The following PCLO variants were observed in gnomAD, a reference collection of about 807,000 sequenced individuals.
PCLO encodes the protein protein piccolo.
Under a neutral mutation model 427.5 loss-of-function variants are expected in PCLO, and 82 were observed. The ratio of observed to expected loss-of-function variants is 0.19; its 90% CI spans 0.16 to 0.23. The LOEUF is 0.23. PCLO is among the 10% of genes least tolerant of loss of function. PCLO has a pLI of 1.00. For missense variants in PCLO, 6,239 were observed against 6,115.9 expected (o/e 1.02, Z -0.67); for synonymous variants, 2,357 against 2,155.4 (o/e 1.09, Z -2.59).
rs1313548158 is a variant in PCLO at position 82,824,414 on chromosome 7, T to C, written c.14418A>G (p.Val4806=). The change falls in exon 19 of 25, where the codon GTA becomes GTG. Residue 4806 remains valine (V), a splice_region_variant and synonymous_variant. Coordinates refer to ENST00000333891, the MANE Select transcript of PCLO (RefSeq NM_033026.6). ...GAGATGTGCTAGATAAATCAATCAA[T>C]ACCTGAAAAAAAGTGTAACAAATAA... ...RFSSNDFLGE[V]LIDLSSTSHL... 3.8e-6 allele frequency: 6 copies of C among 1,569,602 alleles called. No homozygotes were observed. The highest frequency in any genetic ancestry group is 1.2e-5 in the South Asian group (1 of 85,334).
intron 6 of PCLO, among the ~76,000 whole-genome samples, chr7:82,924,050 C>A (rs945162397): frequency 6.6e-6 from 1 of 151,978 alleles, no homozygotes; most frequent in Admixed American, 6.6e-5. Flanking sequence ...TAAATAATGT[C>A]CTCAGGCAGA....
intron 3 of PCLO, among the ~76,000 whole-genome samples, chr7:83,025,707 A>G (rs932496418): frequency 6.6e-6 from 1 of 152,050 alleles, no homozygotes; most frequent in African/African-American, 2.4e-5. Flanking sequence ...CCAGAGAGAA[A>G]GGTTGGGTTA....
intron 6 of PCLO, among the ~76,000 whole-genome samples, chr7:82,938,462 T>A (rs1795006769): frequency 6.6e-6 from 1 of 151,924 alleles, no homozygotes; most frequent in Non-Finnish European, 1.5e-5. Flanking sequence ...TTCCTTTTAG[T>A]CTCTCAATGT....
At chr7:83,020,118 C>T (rs1027370428) in intron 3 of PCLO, among the ~76,000 whole-genome samples, 4 of 151,990 alleles carry the variant, frequency 2.6e-5, no homozygotes, top group Admixed American at 6.6e-5. Flanking sequence ...GCCCTTTACA[C>T]AAAAATTATT....
chr7:82,826,530 GTGCTT>G, intron 18 of PCLO, 54 bp downstream of exon 18: 1 of 1,091,638 alleles, frequency 9.2e-7, no homozygotes, highest in Non-Finnish European at 1.4e-6. Flanking sequence ...GCTTTGCATC[GTGCTT>G]TAATTGGTGG....
At position 83,087,221 on chromosome 7, in the gene PCLO, TAA is replaced by T. The variant is rs34272716; in HGVS notation, c.3300+47027_3300+47028del. 9.2e-3 allele frequency among the ~76,000 whole-genome samples: 1,347 copies of T among 146,046 alleles called. 19 individuals are homozygous for T. The highest frequency in any genetic ancestry group is 0.031 in the African/African-American group (1,253 of 40,114). ...ATGTACCCTAGAACTTAAAGCATAA[TAA>T]AAAAAAAAAAAGTGGAAGTTAAGCC... On this transcript the variant is annotated intron_variant, in intron 3 of 24. Coordinates refer to ENST00000333891, the MANE Select transcript of PCLO (RefSeq NM_033026.6).
intron 16 of PCLO, among the ~76,000 whole-genome samples, chr7:82,832,617 A>C (rs2115721424): frequency 6.6e-6 from 1 of 152,180 alleles, no homozygotes; most frequent in African/African-American, 2.4e-5. Context: ...AAATTCAATT[A>C]TTCTACTCAA....
intron 1 of PCLO, among the ~76,000 whole-genome samples, chr7:83,160,375 G>C (rs1433730323): frequency 5.9e-5 from 9 of 152,052 alleles, no homozygotes; most frequent in Non-Finnish European, 8.8e-5. Context: ...ATTTGTGTAT[G>C]CCGTCCTATA....
Position 82,820,625 on chromosome 7 carries a change from T to C in PCLO, c.14791+1870A>G, listed in dbSNP as rs757418062. The C allele has an allele frequency of 1.5e-5, 18 of 1,230,276 alleles. 1 individual carries two copies. The highest frequency in any genetic ancestry group is 1.6e-5 in the Non-Finnish European group (16 of 987,140). 76.2% of individuals were successfully genotyped at this position (1,230,276 alleles called of 1,614,324 possible). On this transcript the variant is annotated intron_variant, in intron 20 of 24. Transcript: ENST00000333891. ...AGAGAGAACTTTCACCATGTAAAGGTAAATGAGTGCATTAACAATTTTTCC... is the reference window on the plus strand; with the variant it reads ...AGAGAGAACTTTCACCATGTAAAGGCAAATGAGTGCATTAACAATTTTTCC...
chr7:83,019,107 T>C (rs1215784069), intron 3 of PCLO, among the ~76,000 whole-genome samples: 1 of 152,028 alleles, frequency 6.6e-6, no homozygotes. Context: ...AAGACATTTA[T>C]ACATGAGTGA....
At chr7:82,822,409 A>G in intron 20 of PCLO, 86 bp downstream of exon 20, 2 of 1,607,298 alleles carry the variant, frequency 1.2e-6, no homozygotes, top group South Asian at 2.2e-5. Context: ...TTGAAAACTG[A>G]AAGCAAACAG....
intron 3 of PCLO, among the ~76,000 whole-genome samples, chr7:83,030,811 C>T (rs1294487320): frequency 6.6e-6 from 1 of 152,150 alleles, no homozygotes; most frequent in African/African-American, 2.4e-5. Context: ...TCTTCAAGTA[C>T]CCTTCAGTCC....
chr7:82,809,091 T>C (rs1359927679), intron 20 of PCLO, among the ~76,000 whole-genome samples: 1 of 151,934 alleles, frequency 6.6e-6, no homozygotes, highest in African/African-American at 2.4e-5. Context: ...TTCTATTAAA[T>C]TGAGCTAAAT....
chr7:82,797,326 A>G (rs1791245619), intron 22 of PCLO, among the ~76,000 whole-genome samples: 1 of 152,182 alleles, frequency 6.6e-6, no homozygotes, highest in African/African-American at 2.4e-5. Flanking sequence ...GGATCAAGGC[A>G]GCTACTACAT....
chr7:82,827,712 G>A (rs73710009), intron 17 of PCLO, among the ~76,000 whole-genome samples, 161 bp downstream of exon 17: 5,427 of 152,020 alleles, frequency 0.036, 336 homozygotes, highest in African/African-American at 0.12. Flanking sequence ...GTGCTTAAAT[G>A]TCACTCATTT....
At chr7:83,144,940 A>T (rs749518400) in intron 2 of PCLO, among the ~76,000 whole-genome samples, 1 of 152,202 alleles carries the variant, frequency 6.6e-6, no homozygotes, top group Non-Finnish European at 1.5e-5. Flanking sequence ...TTTGCTGAAC[A>T]AAGAGTAGAA....
chr7:82,934,133 T>A (rs1794899108), intron 6 of PCLO, among the ~76,000 whole-genome samples: 1 of 152,078 alleles, frequency 6.6e-6, no homozygotes, highest in East Asian at 1.9e-4. Flanking sequence ...CAAAATTATT[T>A]AGAATGTTCT....
chr7:83,024,833 A>C (rs193974), intron 3 of PCLO, among the ~76,000 whole-genome samples: 133,420 of 152,072 alleles, frequency 0.88, 58,686 homozygotes, highest in East Asian at 1. Flanking sequence ...GAGGCACCCC[A>C]CAGCAGGGGT....
intron 3 of PCLO, among the ~76,000 whole-genome samples, chr7:83,066,850 A>G (rs1487524910): frequency 2.6e-5 from 4 of 152,308 alleles, no homozygotes; most frequent in Middle Eastern, 3.4e-3. Flanking sequence ...TATGAGATAA[A>G]CAAGTATTCT....
Sources: gnomAD v4.1 joint callset for allele counts (sites outside exome capture counted in the v4.1 genomes callset) on GRCh38, gnomAD v4.1.1 for gene constraint, MANE v1.5 for transcripts, NCBI Gene and HGNC (gene_info 2026-07-23, HGNC 2026-07-21) for gene names.